The following ATP10B variants were observed in gnomAD, a reference collection of about 807,000 sequenced individuals.
ATP10B encodes ATPase phospholipid transporting 10B (putative), also known as phospholipid-transporting ATPase VB.
ATP10B carries 122 observed loss-of-function variants against 141.2 expected under a neutral mutation model. That is an observed-to-expected ratio of 0.86 (90% CI 0.75 to 1.00). The LOEUF is 1.00. Among genes scored for constraint, ATP10B ranks in the 50% least tolerant of loss-of-function variants. The pLI is 0.00. For synonymous variants in ATP10B, 685 were observed against 692.0 expected, an observed-to-expected ratio of 0.99 and a Z score of 0.16; for missense variants, 1,876 against 1,825.3, an observed-to-expected ratio of 1.03 and a Z score of -0.51.
the ATP10B span, among the ~76,000 whole-genome samples, chr5:160,900,988 AG>A: frequency 7.2e-6 from 1 of 139,568 alleles, no homozygotes; most frequent in Non-Finnish European, 1.5e-5. Context: ...CATCTCTTCC[AG>A]GAGCAACACA....
In ATP10B at chr5:160,811,837, C is replaced by T. The variant is rs144019547; in HGVS notation, c.-575-26034G>A. On this transcript the variant is annotated intron_variant, in intron 1 of 25. Coordinates refer to ENST00000327245, the MANE Select transcript of ATP10B (RefSeq NM_025153.3). ...ACCTGCTGATTTTAGAGCTCCAGGG[C>T]CTTGAGCGCACATAGGCAGTAGCCA... is the stretch of plus-strand genomic sequence containing the variant. Among the ~76,000 whole-genome samples the T allele has an allele frequency of 1.0e-3, 153 of 152,248 alleles. 1 individual carries two copies. The highest frequency in any genetic ancestry group is 3.5e-3 in the African/African-American group (147 of 41,546).
At chr5:160,694,679 A>T (rs931429997) in intron 3 of ATP10B, among the ~76,000 whole-genome samples, 1 of 152,124 alleles carries the variant, frequency 6.6e-6, no homozygotes, top group East Asian at 1.9e-4. Flanking sequence ...AGCAAGTTCC[A>T]TTTTCACTGT....
the ATP10B span, among the ~76,000 whole-genome samples, chr5:160,879,817 G>C: frequency 2.0e-5 from 3 of 152,116 alleles, no homozygotes; most frequent in Admixed American, 6.5e-5. Context: ...CAGCCTGGGC[G>C]ACAGAGCAAG....
At chr5:160,885,003 A>G in the ATP10B span, among the ~76,000 whole-genome samples, 2 of 152,190 alleles carry the variant, frequency 1.3e-5, no homozygotes, top group African/African-American at 4.8e-5. Context: ...GCCAAATTCC[A>G]ATCACCGTTG....
In ATP10B at chr5:160,589,593, C is replaced by T. The variant is rs1756138103; in HGVS notation, c.3749G>A (p.Trp1250Ter). The change falls in exon 24 of 26, where the codon TGG (tryptophan) becomes TAG (stop). Residue 1250 changes from tryptophan (W) to a stop codon, truncating the protein, a stop_gained and splice_region_variant. Transcript: ENST00000327245. LOFTEE classifies it high-confidence loss of function. ...LLHQAMEMKTWTIFHGVVLLG... is the reference protein window; with the variant it reads ...LLHQAMEMKT Reference sequence around the variant, plus strand: ...CCAAAGGGGCTCTGGGACACTTACCCATGTCTTCATTTCCATTGCCTGGTG... The same window carrying T: ...CCAAAGGGGCTCTGGGACACTTACCTATGTCTTCATTTCCATTGCCTGGTG... 1 of 1,612,242 alleles carries T rather than the reference C, an allele frequency of 6.2e-7. No individual in the cohort carries two copies. Among genetic ancestry groups the T allele is most frequent in the African/African-American group, 1.3e-5 (1 of 74,872 alleles).
chr5:160,724,398 C>G (rs954786038), intron 2 of ATP10B, among the ~76,000 whole-genome samples: 1 of 151,856 alleles, frequency 6.6e-6, no homozygotes, highest in Non-Finnish European at 1.5e-5. Flanking sequence ...GCTGGAATTA[C>G]AGGAAGGGGC....
chr5:160,900,609 T>C, the ATP10B span, among the ~76,000 whole-genome samples: 1 of 152,312 alleles, frequency 6.6e-6, no homozygotes, highest in African/African-American at 2.4e-5. Context: ...TGAAGTATTG[T>C]TTATGAAATG....
In ATP10B at chr5:160,847,187, G is replaced by A. The variant is rs371460699; in HGVS notation, c.-576+4754C>T. On this transcript the variant is annotated intron_variant, in intron 1 of 25. Transcript: ENST00000327245. ...CATGCTAATTTTCAGTTCAGTGCCT[G>A]TTAAATCAAGTCTAATAGTTCCTGG... 8.1e-4 allele frequency among the ~76,000 whole-genome samples: 124 copies of A among 152,304 alleles called. 1 individual carries two copies. The Middle Eastern group carries it at 0.017, about 21-fold the overall frequency.
chr5:160,600,557 A>G (rs574915943), intron 21 of ATP10B, among the ~76,000 whole-genome samples: 1 of 152,312 alleles, frequency 6.6e-6, no homozygotes, highest in Non-Finnish European at 1.5e-5. Flanking sequence ...CAGACATTCA[A>G]TTGTTATTTG....
chr5:160,802,902 C>T (rs1262480714), intron 1 of ATP10B, among the ~76,000 whole-genome samples: 1 of 152,162 alleles, frequency 6.6e-6, no homozygotes, highest in Non-Finnish European at 1.5e-5. Context: ...TTCTTCATCC[C>T]CCATCCCCAT....
chr5:160,851,152 A>G (rs1445964642), intron 1 of ATP10B, among the ~76,000 whole-genome samples: 4 of 152,218 alleles, frequency 2.6e-5, no homozygotes, highest in Admixed American at 2.0e-4. Flanking sequence ...CCTACCTGGC[A>G]AATTCAGAGA....
intron 1 of ATP10B, among the ~76,000 whole-genome samples, chr5:160,794,225 CA>C (rs1771792412): frequency 6.6e-6 from 1 of 152,106 alleles, no homozygotes; most frequent in South Asian, 2.1e-4. Flanking sequence ...TTGTAAGGAT[CA>C]GGGGAGCAGT....
At position 160,662,579 on chromosome 5, in the gene ATP10B, A is replaced by T. The variant is rs1187782730; in HGVS notation, c.675+7884T>A. Among the ~76,000 whole-genome samples, 7 of 152,356 alleles carry T rather than the reference A, an allele frequency of 4.6e-5. No individual in the cohort carries two copies. In the East Asian group the frequency reaches 1.3e-3, roughly 29 times the overall value. On this transcript the variant is annotated intron_variant, in intron 7 of 25. Transcript: ENST00000327245. ...CCTTTTTAATAAATGGTGCTGGGAA[A>T]ACTGGCTAGCCATATGTAGAAAGCT...
intron 23 of ATP10B, among the ~76,000 whole-genome samples, chr5:160,590,181 AG>A (rs1002741524): frequency 6.6e-6 from 1 of 152,166 alleles, no homozygotes; most frequent in African/African-American, 2.4e-5. Context: ...GTTCCAGAAA[AG>A]GTCAGAACGG....
At chr5:160,714,100 T>C (rs1765452524) in intron 3 of ATP10B, among the ~76,000 whole-genome samples, 1 of 52,742 alleles carries the variant, frequency 1.9e-5, no homozygotes, top group African/African-American at 8.4e-5. Context: ...GTCTTGGAGT[T>C]GCTCTTCTCG....
chr5:160,821,622 AG>A (rs1774110729), intron 1 of ATP10B, among the ~76,000 whole-genome samples: 1 of 152,064 alleles, frequency 6.6e-6, no homozygotes, highest in South Asian at 2.1e-4. Flanking sequence ...ACTAAGCTAT[AG>A]TAACCAAAAC....
At chr5:160,799,518 T>C (rs1200789659) in intron 1 of ATP10B, among the ~76,000 whole-genome samples, 1 of 152,234 alleles carries the variant, frequency 6.6e-6, no homozygotes, top group Non-Finnish European at 1.5e-5. Flanking sequence ...TTAATGCTGA[T>C]GTTTGCTTTG....
the ATP10B span, among the ~76,000 whole-genome samples, chr5:160,902,379 A>G: frequency 5.0e-4 from 76 of 152,266 alleles, 1 homozygote; most frequent in East Asian, 0.01. Flanking sequence ...TTGCTATATG[A>G]CCTTAAAGAA....
chr5:160,818,203 TA>T (rs1773822308), intron 1 of ATP10B, among the ~76,000 whole-genome samples: 1 of 152,162 alleles, frequency 6.6e-6, no homozygotes, highest in Non-Finnish European at 1.5e-5. Context: ...ACCATCAGTG[TA>T]AACAGGCAAC....
Sources: gnomAD v4.1 joint callset for allele counts (sites outside exome capture counted in the v4.1 genomes callset) on GRCh38, gnomAD v4.1.1 for gene constraint, MANE v1.5 for transcripts, NCBI Gene and HGNC (gene_info 2026-07-23, HGNC 2026-07-21) for gene names.